Variants in ADAM22 observed in about 807,000 individuals in gnomAD.
ADAM22 encodes disintegrin and metalloproteinase domain-containing protein 22.
Under a neutral mutation model 144.6 loss-of-function variants are expected in ADAM22, and 65 were observed. The observed-to-expected ratio is 0.45, with a 90% CI of 0.37 to 0.55. The LOEUF (loss-of-function observed/expected upper bound fraction) is 0.55, where lower values mean the gene tolerates loss of function less well. Ranked by LOEUF, ADAM22 falls within the 20% of genes least tolerant of loss-of-function variation. ADAM22 has a pLI of 0.00. For synonymous variants in ADAM22, 391 were observed against 412.6 expected (o/e 0.95, Z 0.63); for missense variants, 974 against 1,184.9 (o/e 0.82, Z 2.61).
intron 2 of ADAM22, among the ~76,000 whole-genome samples, chr7:87,973,670 A>C (rs1162700008): frequency 9.2e-5 from 14 of 152,220 alleles, no homozygotes; most frequent in African/African-American, 3.1e-4. Context: ...TCACAATAGC[A>C]AAGAGTTGGA....
chr7:88,108,466 G>A (rs1029002695), intron 5 of ADAM22, among the ~76,000 whole-genome samples: 1 of 151,832 alleles, frequency 6.6e-6, no homozygotes, highest in African/African-American at 2.4e-5. Flanking sequence ...GGTGGCTCAT[G>A]CCTATAATCC....
chr7:88,018,329 T>C (rs1797004445), intron 3 of ADAM22, among the ~76,000 whole-genome samples: 1 of 152,200 alleles, frequency 6.6e-6, no homozygotes, highest in Admixed American at 6.5e-5. Flanking sequence ...TTTTCTTTTT[T>C]TCTTCCTTAA....
At chr7:87,971,021 A>G (rs1197462176) in intron 2 of ADAM22, among the ~76,000 whole-genome samples, 2 of 152,244 alleles carry the variant, frequency 1.3e-5, no homozygotes, top group African/African-American at 2.4e-5. Flanking sequence ...CTGCAAGCAC[A>G]TACTTTACCA....
intron 3 of ADAM22, among the ~76,000 whole-genome samples, chr7:88,048,731 A>T (rs1805374740): frequency 6.6e-6 from 1 of 152,086 alleles, no homozygotes; most frequent in Admixed American, 6.5e-5. Flanking sequence ...AAGTCTAGAA[A>T]CACAGGAAAA....
intron 2 of ADAM22, among the ~76,000 whole-genome samples, chr7:87,955,475 G>C (rs572525937): frequency 3.3e-5 from 5 of 152,198 alleles, no homozygotes; most frequent in African/African-American, 1.2e-4. Flanking sequence ...AAGTGCTGCT[G>C]TCTGATCGTT....
rs567012611 is a variant in ADAM22 at position 88,037,486 on chromosome 7, G to A, written c.324-38140G>A. On this transcript the variant is annotated intron_variant, in intron 3 of 31. Transcript: ENST00000413139. ...AGGGAAAGATGAGAGGACATATATT[G>A]ATTTTTTCACCCTGTTGTCTAATTT... Among the ~76,000 whole-genome samples the A allele has an allele frequency of 5.9e-5, 9 of 152,188 alleles. No individual in the cohort carries two copies. In the South Asian group the frequency reaches 1.9e-3, roughly 32 times the overall value.
At chr7:88,074,978 T>A (rs1433194122) in intron 3 of ADAM22, among the ~76,000 whole-genome samples, 2 of 152,200 alleles carry the variant, frequency 1.3e-5, no homozygotes, top group Non-Finnish European at 2.9e-5. Flanking sequence ...ATTTTAGTGC[T>A]TTAAAAGATT....
At chr7:88,117,400 A>G (rs1828031484) in intron 7 of ADAM22, among the ~76,000 whole-genome samples, 1 of 152,256 alleles carries the variant, frequency 6.6e-6, no homozygotes, top group Non-Finnish European at 1.5e-5. Context: ...ATTTAGTGAA[A>G]TATTTTCAAA....
At chr7:88,038,905 C>T (rs1007744211) in intron 3 of ADAM22, among the ~76,000 whole-genome samples, 18 of 151,770 alleles carry the variant, frequency 1.2e-4, no homozygotes, top group South Asian at 2.1e-4. Flanking sequence ...CTCAGCCTCT[C>T]GAGTAGCTGG....
At chr7:87,976,840 C>A (rs1584763136) in intron 2 of ADAM22, among the ~76,000 whole-genome samples, 1 of 150,646 alleles carries the variant, frequency 6.6e-6, no homozygotes, top group African/African-American at 2.4e-5. Flanking sequence ...ATGGAAGATC[C>A]TGAAATCCAG....
intron 3 of ADAM22, among the ~76,000 whole-genome samples, chr7:88,028,599 T>C (rs1292405497): frequency 6.6e-6 from 1 of 152,148 alleles, no homozygotes; most frequent in East Asian, 1.9e-4. Flanking sequence ...CCAGCTATTA[T>C]TGTATTGGGG....
At chr7:87,955,406 C>T (rs1368413917) in intron 2 of ADAM22, among the ~76,000 whole-genome samples, 2 of 152,200 alleles carry the variant, frequency 1.3e-5, no homozygotes, top group South Asian at 2.1e-4. Flanking sequence ...CCACTGCAGA[C>T]CCTGTTTGCC....
At chr7:88,014,256 A>G (rs764961210) in intron 3 of ADAM22, among the ~76,000 whole-genome samples, 114 of 152,144 alleles carry the variant, frequency 7.5e-4, no homozygotes, top group Non-Finnish European at 8.7e-4. Context: ...ACATTGTCCC[A>G]AGTAGGGCAG....
At chr7:88,162,095 A>AACACACACAC (rs751053614) in intron 22 of ADAM22, among the ~76,000 whole-genome samples, 1 of 52,658 alleles carries the variant, frequency 1.9e-5, no homozygotes, top group Admixed American at 2.7e-4. Flanking sequence ...GAAAATGTGT[A>AACACACACAC]ATACACACAC....
intron 3 of ADAM22, among the ~76,000 whole-genome samples, chr7:88,032,913 T>C (rs560647063): frequency 6.6e-6 from 1 of 152,266 alleles, no homozygotes; most frequent in African/African-American, 2.4e-5. Flanking sequence ...TTCATCATGG[T>C]TGTGAATTTT....
Position 88,113,699 on chromosome 7 carries a change from A to ATATATAT in ADAM22, c.474-885_474-884insTATATAT, listed in dbSNP as rs1554478638. 3.0e-3 allele frequency among the ~76,000 whole-genome samples: 117 copies of ATATATAT among 39,404 alleles called. 1 individual carries two copies. Among genetic ancestry groups the ATATATAT allele is most frequent in the African/African-American group, 7.7e-3 (68 of 8,848 alleles). 25.9% of individuals were successfully genotyped at this position (39,404 alleles called of 152,430 possible). ...ATAATATATATATTATAAATAAATA[A>ATATATAT]ATAAATATATATATATATATATATA... On this transcript the variant is annotated intron_variant, in intron 5 of 31. Transcript: ENST00000413139.
chr7:88,005,439 GA>G (rs1367050458), intron 3 of ADAM22, among the ~76,000 whole-genome samples: 2 of 152,134 alleles, frequency 1.3e-5, no homozygotes, highest in Non-Finnish European at 1.5e-5. Context: ...ATCACAGTGG[GA>G]TCTACTACCT....
Position 88,116,620 on chromosome 7 carries a change from C to A in ADAM22, c.538-125C>A. 4 of 701,212 alleles carry A rather than the reference C, an allele frequency of 5.7e-6. No individual in the cohort carries two copies. In the South Asian group the frequency reaches 7.5e-5, roughly 13 times the overall value. 43.4% of individuals were successfully genotyped at this position (701,212 alleles called of 1,614,324 possible). A position where few individuals can be genotyped will look rare whatever the true frequency, so the allele number is the denominator to read the frequency against. On this transcript the variant is annotated intron_variant, in intron 6 of 31. Transcript: ENST00000413139. The stretch of plus-strand genomic sequence containing the variant: ...GAGGGGTTGGGCAATGGTTCATCAC[C>A]TCTCTAAACCCAGGAGAATGCATAG...
chr7:88,158,531 A>G (rs537710161), intron 22 of ADAM22, among the ~76,000 whole-genome samples: 6 of 152,178 alleles, frequency 3.9e-5, no homozygotes, highest in Non-Finnish European at 8.8e-5. Flanking sequence ...AATGCTAGCT[A>G]GAGCACTAAA....
Sources: gnomAD v4.1 joint callset for allele counts (sites outside exome capture counted in the v4.1 genomes callset) on GRCh38, gnomAD v4.1.1 for gene constraint, MANE v1.5 for transcripts, NCBI Gene and HGNC (gene_info 2026-07-23, HGNC 2026-07-21) for gene names.